SLCO3A1: variants seen among roughly 807,000 people sequenced by gnomAD.
SLCO3A1 encodes the protein PGE1 transporter.
A neutral mutation model predicts 63.1 loss-of-function variants in SLCO3A1; 27 were observed. That is an observed-to-expected ratio of 0.43 (90% confidence interval 0.32 to 0.59). The LOEUF (loss-of-function observed/expected upper bound fraction) is 0.59, where lower values mean the gene tolerates loss of function less well. Among genes scored for constraint, SLCO3A1 ranks in the 20% least tolerant of loss-of-function variants. The probability of loss-of-function intolerance (pLI) is 0.09; values close to 1 mark genes in which losing one functional copy is unlikely to be tolerated. For synonymous variants in SLCO3A1, 473 were observed against 409.9 expected (o/e 1.15, Z -1.86); for missense variants, 773 against 945.8 (o/e 0.82, Z 2.40).
In SLCO3A1 at chr15:91,875,015, A is replaced by G. The variant is rs192326442; in HGVS notation, c.180+20927A>G. Among the ~76,000 whole-genome samples, 16 of 152,342 alleles carry G rather than the reference A, an allele frequency of 1.1e-4. 1 individual carries two copies. Among genetic ancestry groups the G allele is most frequent in the Admixed American group, 2.6e-4 (4 of 15,310 alleles). ...CCTGCTCATGGTGCTAAGGCTGACC[A>G]TGAGGTTGAGATGGGTGGTTACATC... is the stretch of plus-strand genomic sequence containing the variant. On this transcript the variant is annotated intron_variant, in intron 1 of 9. Coordinates refer to ENST00000318445, the MANE Select transcript of SLCO3A1 (RefSeq NM_013272.4). This position sits in a 1 kb window ranked among gnomAD's most constrained non-coding sequence, Gnocchi z 4.5.
chr15:92,126,138 C>T lies in SLCO3A1; in HGVS notation c.1252C>T (p.Leu418=). ...LLVKKLSLSA[L]GAIRMAMLVN... ...GGTGAAGAAGCTCAGCCTGTCTGCCCTGGGGGCCATTCGGATGGCCATGCT... is the reference window on the plus strand; with the variant it reads ...GGTGAAGAAGCTCAGCCTGTCTGCCTTGGGGGCCATTCGGATGGCCATGCT... The change falls in exon 6 of 10, where the codon CTG becomes TTG. Residue 418 remains leucine, a synonymous_variant. Coordinates refer to ENST00000318445, the MANE Select transcript of SLCO3A1 (RefSeq NM_013272.4). 2 of 1,614,002 alleles carry T rather than the reference C, an allele frequency of 1.2e-6. No individual in the cohort carries two copies. The highest frequency in any genetic ancestry group is 1.7e-6 in the Non-Finnish European group (2 of 1,180,000).
Position 91,942,285 on chromosome 15 carries a change from A to G in SLCO3A1, c.646+25827A>G, listed in dbSNP as rs1325234538. Among the ~76,000 whole-genome samples the G allele has an allele frequency of 6.6e-6, 1 of 152,226 alleles. No homozygotes were observed. Among genetic ancestry groups the G allele is most frequent in the Admixed American group, 6.5e-5 (1 of 15,288 alleles). On this transcript the variant is annotated intron_variant, in intron 2 of 9. Coordinates refer to ENST00000318445, the MANE Select transcript of SLCO3A1 (RefSeq NM_013272.4). This position sits in a 1 kb window ranked among gnomAD's most constrained non-coding sequence, Gnocchi z 4.1. ...AACCCCACAATGTCTGATCTATAGC[A>G]GGCATTTCAGAGCCTCCAGGACTTG...
intron 1 of SLCO3A1, among the ~76,000 whole-genome samples, chr15:91,890,048 G>C (rs1238142412): frequency 2.0e-5 from 3 of 152,120 alleles, no homozygotes; most frequent in Non-Finnish European, 2.9e-5. Context: ...AAATATAGAG[G>C]CATATCAGCA....
At chr15:92,061,787 C>T (rs1377651892) in intron 2 of SLCO3A1, among the ~76,000 whole-genome samples, 1 of 148,954 alleles carries the variant, frequency 6.7e-6, no homozygotes, top group Non-Finnish European at 1.5e-5. Context: ...CTAGGCAACC[C>T]ATCACCCTGT....
chr15:92,124,203 G>A (rs904058686), intron 5 of SLCO3A1, among the ~76,000 whole-genome samples: 17 of 152,342 alleles, frequency 1.1e-4, no homozygotes, highest in Middle Eastern at 3.4e-3. Context: ...TGATTAAAGA[G>A]CTGGTGGTGC....
At chr15:91,903,234 G>A (rs1467509557) in intron 1 of SLCO3A1, among the ~76,000 whole-genome samples, 1 of 152,220 alleles carries the variant, frequency 6.6e-6, no homozygotes, top group African/African-American at 2.4e-5. Flanking sequence ...CAGGGGACCT[G>A]AGGAACAGAT....
intron 6 of SLCO3A1, among the ~76,000 whole-genome samples, chr15:92,127,113 GT>G (rs1234607958): frequency 3.9e-5 from 6 of 152,248 alleles, no homozygotes; most frequent in African/African-American, 1.4e-4. Flanking sequence ...GTATGTCTGT[GT>G]ACAATCCAGG....
chr15:91,962,303 A>G (rs1206220927), intron 2 of SLCO3A1, among the ~76,000 whole-genome samples: 1 of 152,036 alleles, frequency 6.6e-6, no homozygotes, highest in Non-Finnish European at 1.5e-5. Context: ...AACATGGAGA[A>G]ACCCTGTCTT....
rs1411875957 is a variant in SLCO3A1, at chr15:92,131,700, A to C, written c.1512+3211A>C. 2.8e-5 allele frequency among the ~76,000 whole-genome samples: 4 copies of C among 145,428 alleles called. 2 individuals carry two copies. The highest frequency in any genetic ancestry group is 1.0e-4 in the African/African-American group (4 of 40,064). On this transcript the variant is annotated intron_variant, in intron 7 of 9. Coordinates refer to ENST00000318445, the MANE Select transcript of SLCO3A1 (RefSeq NM_013272.4). The stretch of plus-strand genomic sequence containing the variant: ...TAAGTGGAACTTGCAGTTCCCCAAC[A>C]CATCAAGCTCTCCCTGCCCCTGGGC...
chr15:91,854,757 A>G lies in SLCO3A1; in HGVS notation c.180+669A>G, dbSNP rs1297822640. ...CGAGTTTGTGTAGTTCCTGCTATCC[A>G]CTCTTAGTGCTAAATTCCCCATCGT... On this transcript the variant is annotated intron_variant, in intron 1 of 9. Coordinates refer to ENST00000318445, the MANE Select transcript of SLCO3A1 (RefSeq NM_013272.4). This position sits in a 1 kb window ranked among gnomAD's most constrained non-coding sequence, Gnocchi z 6.4. 6.6e-6 allele frequency among the ~76,000 whole-genome samples: 1 copy of G among 151,886 alleles called. No individual in the cohort carries two copies. The highest frequency in any genetic ancestry group is 6.6e-5 in the Admixed American group (1 of 15,260).
rs1447006030 is a variant in SLCO3A1 at position 91,856,069 on chromosome 15, G to A, written c.180+1981G>A. On this transcript the variant is annotated intron_variant, in intron 1 of 9. Transcript: ENST00000318445. The surrounding 1 kb of genome is among the most constrained non-coding windows in gnomAD (Gnocchi z 4.9). ...TTAAGAAGCCGAGTACTCCTGGAGT[G>A]GTGGACTTCTGGAGGCAGGGCTGGC... Among the ~76,000 whole-genome samples the A allele has an allele frequency of 6.6e-6, 1 of 151,964 alleles. No individual in the cohort carries two copies. Among genetic ancestry groups the A allele is most frequent in the South Asian group, 2.1e-4 (1 of 4,822 alleles).
At chr15:92,027,162 T>A (rs1482161659) in intron 2 of SLCO3A1, among the ~76,000 whole-genome samples, 2 of 151,976 alleles carry the variant, frequency 1.3e-5, no homozygotes, top group Non-Finnish European at 1.5e-5. Flanking sequence ...CTGGGAGTTG[T>A]CATGAGCTCT....
intron 1 of SLCO3A1, among the ~76,000 whole-genome samples, chr15:91,890,160 A>G (rs1897834774): frequency 6.6e-6 from 1 of 152,180 alleles, no homozygotes; most frequent in African/African-American, 2.4e-5. Flanking sequence ...TCCCCTCAAT[A>G]TTTTATTATT....
rs1160779786 is a variant in SLCO3A1 at position 92,023,670 on chromosome 15, T to C, written c.647-71211T>C. On this transcript the variant is annotated intron_variant, in intron 2 of 9. Transcript: ENST00000318445. ...TTTTAGTAGAGACGGGATTTCACTT[T>C]GTTGCCCAGGCTGATCTTGAACTCC... Among the ~76,000 whole-genome samples the C allele has an allele frequency of 2.0e-4, 30 of 152,194 alleles. 2 individuals carry two copies. Among genetic ancestry groups the C allele is most frequent in the Admixed American group, 2.0e-3 (30 of 15,280 alleles).
At chr15:92,019,539 G>A (rs961775328) in intron 2 of SLCO3A1, among the ~76,000 whole-genome samples, 19 of 152,194 alleles carry the variant, frequency 1.2e-4, no homozygotes, top group African/African-American at 3.9e-4. Context: ...TACGACACAC[G>A]CTGGAAGCAC....
chr15:92,117,497 G>T (rs770378609), intron 4 of SLCO3A1, among the ~76,000 whole-genome samples: 2 of 152,180 alleles, frequency 1.3e-5, no homozygotes, highest in African/African-American at 4.8e-5. Context: ...AATGTTTCCA[G>T]AATTTAGATA....
At chr15:92,092,377 G>A (rs1301443368) in intron 2 of SLCO3A1, among the ~76,000 whole-genome samples, 1 of 152,064 alleles carries the variant, frequency 6.6e-6, no homozygotes, top group African/African-American at 2.4e-5. Flanking sequence ...GGTGATGGGG[G>A]AGGTGCCGGG....
intron 3 of SLCO3A1, among the ~76,000 whole-genome samples, chr15:92,102,300 G>T (rs938985001): frequency 6.6e-6 from 1 of 152,124 alleles, no homozygotes; most frequent in African/African-American, 2.4e-5. Context: ...ATGCTTTCAA[G>T]ATCACCTTGT....
chr15:91,974,887 G>A (rs536134067), intron 2 of SLCO3A1, among the ~76,000 whole-genome samples: 1 of 152,240 alleles, frequency 6.6e-6, no homozygotes, highest in African/African-American at 2.4e-5. Flanking sequence ...AATCTTGCTG[G>A]CACTAGATAC....
Sources: allele counts gnomAD v4.1 joint callset (sites outside exome capture counted in the v4.1 genomes callset), GRCh38; gene constraint gnomAD v4.1.1; non-coding constraint Gnocchi (gnomAD v3.1); transcripts MANE v1.5; gene names NCBI Gene and HGNC (gene_info 2026-07-23, HGNC 2026-07-21).